DUSP22: variants seen among roughly 807,000 people sequenced by gnomAD.
DUSP22 encodes the protein dual specificity protein phosphatase 22.
Under a neutral mutation model 24.5 loss-of-function variants are expected in DUSP22, and 24 were observed. The observed-to-expected ratio is 0.98, with a 90% CI of 0.71 to 1.38. The LOEUF is 1.38. Among genes scored for constraint, DUSP22 ranks in the 40% most tolerant of loss-of-function variants. The pLI is 0.00. For missense variants in DUSP22, 330 were observed against 269.2 expected (o/e 1.23, Z -1.58); for synonymous variants, 160 against 106.4 (o/e 1.50, Z -3.10).
intron 2 of DUSP22, 147 bp downstream of exon 2, chr6:304,808 A>G (rs1757746811): frequency 8.1e-7 from 1 of 1,235,238 alleles, no homozygotes; most frequent in Non-Finnish European, 1.2e-6. Flanking sequence ...AGGACTTTTC[A>G]TGTTCCCAAA....
chr6:322,837 G>C (rs1046279802), intron 3 of DUSP22, among the ~76,000 whole-genome samples: 87 of 150,198 alleles, frequency 5.8e-4, no homozygotes, highest in Admixed American at 2.0e-3. Context: ...TGGTGGGGCG[G>C]GGGGGGGCCT....
At chr6:302,419 C>A (rs1289318508) in intron 1 of DUSP22, among the ~76,000 whole-genome samples, 1 of 152,308 alleles carries the variant, frequency 6.6e-6, no homozygotes, top group Non-Finnish European at 1.5e-5. Flanking sequence ...GAGACAAGAC[C>A]CTTTCTGCAG....
chr6:331,809 T>C (rs1759151806), intron 3 of DUSP22, among the ~76,000 whole-genome samples: 2 of 152,428 alleles, frequency 1.3e-5, no homozygotes, highest in South Asian at 4.1e-4. Flanking sequence ...ATAGATGTTC[T>C]TAGGTGGCGA....
chr6:326,533 G>A (rs1170772721), intron 3 of DUSP22, among the ~76,000 whole-genome samples: 1 of 112,726 alleles, frequency 8.9e-6, no homozygotes, highest in Non-Finnish European at 2.0e-5. Flanking sequence ...GCGTCCTGGT[G>A]TGTGCAGTGC....
chr6:306,449 A>T (rs554087854), intron 2 of DUSP22, among the ~76,000 whole-genome samples: 48 of 152,394 alleles, frequency 3.1e-4, no homozygotes, highest in African/African-American at 1.2e-3. Flanking sequence ...GACTCCTTGC[A>T]AGTTCCTGGA....
intron 4 of DUSP22, among the ~76,000 whole-genome samples, chr6:336,415 C>G (rs1235573182): frequency 6.6e-6 from 1 of 152,304 alleles, no homozygotes; most frequent in Non-Finnish European, 1.5e-5. Context: ...AGACCATGTG[C>G]CCCAATGTTC....
intron 3 of DUSP22, among the ~76,000 whole-genome samples, chr6:323,571 G>A (rs1238862799): frequency 6.6e-6 from 1 of 152,304 alleles, no homozygotes; most frequent in Non-Finnish European, 1.5e-5. Flanking sequence ...GGCTCCTTCC[G>A]TGAGAGGTGC....
chr6:339,771 C>T (rs968143519), intron 4 of DUSP22, among the ~76,000 whole-genome samples: 1 of 150,632 alleles, frequency 6.6e-6, no homozygotes, highest in African/African-American at 2.5e-5. Context: ...ATCTCCCTAT[C>T]TTTTTGTCTA....
intron 1 of DUSP22, among the ~76,000 whole-genome samples, chr6:303,259 T>G (rs113277235): frequency 4.7e-3 from 721 of 152,198 alleles, no homozygotes; most frequent in Non-Finnish European, 7.1e-3. Context: ...AAGATAGGAA[T>G]GATAAAGTAT....
In DUSP22 at chr6:349,413, TCC is replaced by T. The variant is rs1246660754; in HGVS notation, c.*464_*465del. 1 of 1,019,400 alleles carries T rather than the reference TCC, an allele frequency of 9.8e-7. No individual in the cohort carries two copies. The highest frequency in any genetic ancestry group is 1.2e-6 in the Non-Finnish European group (1 of 850,906). 63.1% of individuals were successfully genotyped at this position (1,019,400 alleles called of 1,614,324 possible). On this transcript the variant is annotated 3_prime_UTR_variant, in exon 7 of 7. Transcript: ENST00000419235. ...CTGCCCGGGTTGGTGTGGCCACCTT[TCC>T]CTTTGTCCAAGACTCCACATGGAAG...
At chr6:339,526 C>T (rs996991990) in intron 4 of DUSP22, among the ~76,000 whole-genome samples, 9 of 152,298 alleles carry the variant, frequency 5.9e-5, no homozygotes, top group Non-Finnish European at 1.3e-4. Context: ...ACTTTGACAT[C>T]ATGAAGCAAG....
chr6:341,266 G>A (rs1759594795), intron 4 of DUSP22, among the ~76,000 whole-genome samples: 1 of 152,308 alleles, frequency 6.6e-6, no homozygotes, highest in African/African-American at 2.4e-5. Context: ...TGGACGTAAA[G>A]GTGAACTGCC....
At chr6:315,467 G>A (rs1758300556) in intron 3 of DUSP22, among the ~76,000 whole-genome samples, 1 of 152,294 alleles carries the variant, frequency 6.6e-6, no homozygotes, top group African/African-American at 2.4e-5. Context: ...CCCAGACTGG[G>A]GATTTTCCCA....
At position 329,296 on chromosome 6, in the gene DUSP22, T is replaced by A. The variant is rs549537534; in HGVS notation, c.139-5818T>A. Among the ~76,000 whole-genome samples, 55 of 152,402 alleles carry A rather than the reference T, an allele frequency of 3.6e-4. No individual in the cohort carries two copies. The East Asian group carries it at 0.01, about 28-fold the overall frequency. ...TAGAGATAGAAAGGTGAAAGGTGGTTGTCAAGGGCTGCGAGGAATGAGGAG... is the reference window on the plus strand; with the variant it reads ...TAGAGATAGAAAGGTGAAAGGTGGTAGTCAAGGGCTGCGAGGAATGAGGAG... On this transcript the variant is annotated intron_variant, in intron 3 of 6. Transcript: ENST00000419235.
chr6:316,527 G>A (rs1346014828), intron 3 of DUSP22, among the ~76,000 whole-genome samples: 1 of 152,306 alleles, frequency 6.6e-6, no homozygotes, highest in African/African-American at 2.4e-5. Flanking sequence ...CCAGGTTTGA[G>A]GGCTGGTGAA....
chr6:345,896 C>G lies in DUSP22; in HGVS notation c.231C>G (p.Cys77Trp), dbSNP rs137855591. 9.8e-4 allele frequency: 1,580 copies of G among 1,612,498 alleles called. No homozygotes were observed. The highest frequency in any genetic ancestry group is 2.2e-3 in the Admixed American group (129 of 59,852). Residue 77 changes from cysteine to tryptophan, a missense_variant, in exon 5 of 7, where the codon TGC (cysteine) becomes TGG (tryptophan). Coordinates refer to ENST00000419235, the MANE Select transcript of DUSP22 (RefSeq NM_001286555.3). ...AAAGTATTAAATTCATTCACGAGTGCCGGCTCCGCGGTGAGAGCTGCCTTG... is the reference window on the plus strand; with the variant it reads ...AAAGTATTAAATTCATTCACGAGTGGCGGCTCCGCGGTGAGAGCTGCCTTG... ...FKESIKFIHE[C>W]RLRGESCLVH...
chr6:316,512 T>G (rs1290493024), intron 3 of DUSP22, among the ~76,000 whole-genome samples: 1 of 152,308 alleles, frequency 6.6e-6, no homozygotes, highest in East Asian at 1.9e-4. Flanking sequence ...CGTCTACTGA[T>G]GGCTCCAGGT....
At chr6:294,175 T>G (rs1171053874) in intron 1 of DUSP22, among the ~76,000 whole-genome samples, 3 of 152,304 alleles carry the variant, frequency 2.0e-5, no homozygotes, top group African/African-American at 4.8e-5. Context: ...AGCAGTAATA[T>G]TCATATACTT....
chr6:345,848 T>C lies in DUSP22; in HGVS notation c.189-6T>C, dbSNP rs1759839824. Reference sequence around the variant, plus strand: ...AGATGTCATTTCTCTTTTTTTCTTTTCCCAGGACAAGACATTTCAAAGAAA... The same window carrying C: ...AGATGTCATTTCTCTTTTTTTCTTTCCCCAGGACAAGACATTTCAAAGAAA... On this transcript the variant is annotated splice_region_variant and splice_polypyrimidine_tract_variant and intron_variant, in intron 4 of 6. Coordinates refer to ENST00000419235, the MANE Select transcript of DUSP22 (RefSeq NM_001286555.3). The C allele has an allele frequency of 1.9e-6, 3 of 1,614,018 alleles. No individual in the cohort carries two copies. Among genetic ancestry groups the C allele is most frequent in the South Asian group, 1.1e-5 (1 of 91,080 alleles).
Sources: gnomAD v4.1 joint callset for allele counts (sites outside exome capture counted in the v4.1 genomes callset) on GRCh38, gnomAD v4.1.1 for gene constraint, MANE v1.5 for transcripts, NCBI Gene and HGNC (gene_info 2026-07-23, HGNC 2026-07-21) for gene names.